CACNB2: variants seen among roughly 807,000 people sequenced by gnomAD.
CACNB2 encodes calcium voltage-gated channel auxiliary subunit beta 2, also known as voltage-dependent L-type calcium channel subunit beta-2.
Under a neutral mutation model 73.3 loss-of-function variants are expected in CACNB2, and 42 were observed. The observed-to-expected ratio is 0.57, with a 90% confidence interval of 0.45 to 0.74. The LOEUF is 0.74. Ranked by LOEUF, CACNB2 falls within the 30% of genes least tolerant of loss-of-function variation. CACNB2 has a pLI of 0.00. For missense variants in CACNB2, 940 were observed against 853.0 expected (o/e 1.10, Z -1.27); for synonymous variants, 348 against 310.3 (o/e 1.12, Z -1.28).
At chr10:18,516,542 T>TA (rs368451406) in intron 7 of CACNB2, among the ~76,000 whole-genome samples, 82 of 152,360 alleles carry the variant, frequency 5.4e-4, no homozygotes, top group African/African-American at 1.8e-3. Context: ...AAGGTGTTCT[T>TA]ACACCGCATA....
intron 2 of CACNB2, among the ~76,000 whole-genome samples, chr10:18,221,495 A>G (rs1010905454): frequency 3.9e-5 from 6 of 152,162 alleles, no homozygotes; most frequent in Non-Finnish European, 5.9e-5. Context: ...CCTGGCCAAC[A>G]TGGTGAAGCC....
chr10:18,476,683 C>G (rs2048457294), intron 3 of CACNB2, among the ~76,000 whole-genome samples: 1 of 152,124 alleles, frequency 6.6e-6, no homozygotes. Flanking sequence ...CCAGACCAGC[C>G]TGAATGGTTG....
intron 2 of CACNB2, among the ~76,000 whole-genome samples, chr10:18,200,477 T>G (rs929155887): frequency 2.0e-5 from 3 of 151,754 alleles, no homozygotes; most frequent in Non-Finnish European, 4.4e-5. Context: ...TGCATAAGAA[T>G]GAGCATAAAT....
chr10:18,362,918 A>G (rs1387334717), intron 2 of CACNB2, among the ~76,000 whole-genome samples: 1 of 151,708 alleles, frequency 6.6e-6, no homozygotes, highest in East Asian at 1.9e-4. Flanking sequence ...AAAAAAAAAC[A>G]GAAAAACAAA....
At chr10:18,334,441 C>A (rs1283920312) in intron 2 of CACNB2, among the ~76,000 whole-genome samples, 1 of 152,194 alleles carries the variant, frequency 6.6e-6, no homozygotes, top group Non-Finnish European at 1.5e-5. Context: ...GTCCTACTTT[C>A]AAGCAATCTG....
intron 2 of CACNB2, among the ~76,000 whole-genome samples, chr10:18,306,807 A>G (rs2039746206): frequency 6.6e-6 from 1 of 152,146 alleles, no homozygotes; most frequent in South Asian, 2.1e-4. Context: ...AGGTTAATGG[A>G]CTGAAGACAC....
chr10:18,191,668 A>G (rs749589144), intron 2 of CACNB2, among the ~76,000 whole-genome samples: 2 of 152,166 alleles, frequency 1.3e-5, no homozygotes, highest in Non-Finnish European at 2.9e-5. Flanking sequence ...TAGCTCCCAC[A>G]TATCAGTGAG....
At chr10:18,278,758 G>C (rs2038408233) in intron 2 of CACNB2, among the ~76,000 whole-genome samples, 2 of 152,002 alleles carry the variant, frequency 1.3e-5, no homozygotes, top group Non-Finnish European at 2.9e-5. Context: ...GACCACACTT[G>C]TAATCCCAGC....
chr10:18,183,525 T>C (rs1479930777), intron 2 of CACNB2, among the ~76,000 whole-genome samples: 1 of 152,156 alleles, frequency 6.6e-6, no homozygotes, highest in Admixed American at 6.5e-5. Context: ...GAAGGGCAAG[T>C]CACGTCTTAC....
intron 2 of CACNB2, among the ~76,000 whole-genome samples, chr10:18,314,264 T>C (rs915908219): frequency 6.6e-6 from 1 of 152,218 alleles, no homozygotes; most frequent in Non-Finnish European, 1.5e-5. Context: ...GTAAGAGCTG[T>C]ATAATTAATC....
At chr10:18,422,922 T>C (rs1205949444) in intron 3 of CACNB2, among the ~76,000 whole-genome samples, 1 of 152,214 alleles carries the variant, frequency 6.6e-6, no homozygotes, top group Non-Finnish European at 1.5e-5. Context: ...GGTCTCAAAC[T>C]CCTGACCTCA....
intron 2 of CACNB2, among the ~76,000 whole-genome samples, chr10:18,162,099 G>C (rs1323805288): frequency 3.9e-5 from 6 of 151,958 alleles, no homozygotes; most frequent in Non-Finnish European, 7.4e-5. Flanking sequence ...TTAAAAACAA[G>C]GCTATATTTT....
intron 2 of CACNB2, among the ~76,000 whole-genome samples, chr10:18,259,168 G>A (rs1258136188): frequency 1.3e-5 from 2 of 152,048 alleles, no homozygotes; most frequent in Non-Finnish European, 2.9e-5. Context: ...ATCATTTTGG[G>A]ACCCAGTTTG....
chr10:18,314,958 A>G (rs2131909059), intron 2 of CACNB2, among the ~76,000 whole-genome samples: 1 of 152,324 alleles, frequency 6.6e-6, no homozygotes, highest in African/African-American at 2.4e-5. Context: ...TTTAAAAAAT[A>G]CTTGCCCTTA....
chr10:18,374,004 C>G (rs1035047911), intron 2 of CACNB2, among the ~76,000 whole-genome samples: 1 of 152,162 alleles, frequency 6.6e-6, no homozygotes, highest in South Asian at 2.1e-4. Context: ...TTCACACTCC[C>G]ATATTGCATT....
At position 18,481,826 on chromosome 10, in the gene CACNB2, T is replaced by C. The variant is rs1423890768; in HGVS notation, c.334-16529T>C. On this transcript the variant is annotated intron_variant, in intron 3 of 13. Coordinates refer to ENST00000324631, the MANE Select transcript of CACNB2 (RefSeq NM_201596.3). The stretch of plus-strand genomic sequence containing the variant: ...TAAGCTATATCATCTTTTAAGTGGC[T>C]ACAGATATGGACAGCCATTACAACT... Among the ~76,000 whole-genome samples the C allele has an allele frequency of 2.6e-5, 4 of 152,318 alleles. No homozygotes were observed. In the Middle Eastern group the frequency reaches 0.01, roughly 389 times the overall value.
In CACNB2 at chr10:18,536,275, G is replaced by GTTTTT. The variant is rs2053587888; in HGVS notation, c.1302+79_1302+80insTTTTT. ...TTTTTTTTTTTTTTTTTTTTTTTTGGGGGACAAGGTCTTGCTCTGTTGCCC... is the reference window on the plus strand; with the variant it reads ...TTTTTTTTTTTTTTTTTTTTTTTTGGTTTTTGGGACAAGGTCTTGCTCTGTTGCCC... On this transcript the variant is annotated intron_variant, in intron 12 of 13. Coordinates refer to ENST00000324631, the MANE Select transcript of CACNB2 (RefSeq NM_201596.3). 435 of 92,480 alleles carry GTTTTT rather than the reference G, an allele frequency of 4.7e-3. 97 individuals are homozygous for GTTTTT. The highest frequency in any genetic ancestry group is 0.014 in the African/African-American group (143 of 10,158). 5.7% of individuals were successfully genotyped at this position (92,480 alleles called of 1,614,324 possible).
chr10:18,358,497 G>GCT (rs59205683), intron 2 of CACNB2, among the ~76,000 whole-genome samples: 1,764 of 104,186 alleles, frequency 0.017, 141 homozygotes, highest in East Asian at 0.026. Flanking sequence ...TAATGAGCAC[G>GCT]CTCTCTCTCT....
At chr10:18,307,526 G>A (rs75200935) in intron 2 of CACNB2, among the ~76,000 whole-genome samples, 1,993 of 152,258 alleles carry the variant, frequency 0.013, 52 homozygotes, top group African/African-American at 0.045. Context: ...ACAATTGTTT[G>A]TTTTTTAATC....
Sources: gnomAD v4.1 joint callset for allele counts (sites outside exome capture counted in the v4.1 genomes callset) on GRCh38, gnomAD v4.1.1 for gene constraint, MANE v1.5 for transcripts, NCBI Gene and HGNC (gene_info 2026-07-23, HGNC 2026-07-21) for gene names.